Variants in MOB1B observed in about 807,000 individuals in gnomAD.
MOB1B encodes MOB1 Mps One Binder homolog B.
A neutral mutation model predicts 24.4 loss-of-function variants in MOB1B; 19 were observed. That is an observed-to-expected ratio of 0.78 (90% CI 0.54 to 1.14). The LOEUF (loss-of-function observed/expected upper bound fraction) is 1.14, where lower values mean the gene tolerates loss of function less well. MOB1B is among the 50% of genes most tolerant of loss of function. The pLI is 0.00. For synonymous variants in MOB1B, 76 were observed against 82.1 expected (o/e 0.93, Z 0.40); for missense variants, 243 against 259.6 (o/e 0.94, Z 0.44).
intron 1 of MOB1B, among the ~76,000 whole-genome samples, chr4:70,910,303 AGCGCTGGGATTATAGGTGCTAGCCATT>A (rs1236169037): frequency 6.6e-6 from 1 of 152,114 alleles, no homozygotes; most frequent in African/African-American, 2.4e-5. Context: ...GGCCTCCCAA[AGCGCTGGGATTATAGGTGCTAGCCATT>A]GCGCCCAGCT....
chr4:70,953,583 C>G (rs1262546628), intron 1 of MOB1B, among the ~76,000 whole-genome samples: 2 of 152,106 alleles, frequency 1.3e-5, no homozygotes, highest in Non-Finnish European at 2.9e-5. Context: ...TTTCCGGACT[C>G]TCAAAAAACA....
chr4:70,952,590 C>T (rs1357997736), intron 1 of MOB1B, among the ~76,000 whole-genome samples: 1 of 147,996 alleles, frequency 6.8e-6, no homozygotes, highest in African/African-American at 2.5e-5. Context: ...TTGCAGTGAG[C>T]CAAGATTGTG....
intron 1 of MOB1B, among the ~76,000 whole-genome samples, chr4:70,939,093 G>A (rs116339574): frequency 6.6e-6 from 1 of 152,160 alleles, no homozygotes; most frequent in African/African-American, 2.4e-5. Context: ...AAGATTTTAA[G>A]AATATCTACT....
chr4:70,974,988 A>T (rs1421149090), intron 3 of MOB1B, among the ~76,000 whole-genome samples, 165 bp from the exon 4 acceptor site: 1 of 152,236 alleles, frequency 6.6e-6, no homozygotes, highest in Non-Finnish European at 1.5e-5. Flanking sequence ...GGATTGTGAT[A>T]AACGCAAAGT....
At position 70,935,847 on chromosome 4, in the gene MOB1B, A is replaced by ATTTTTTTTTTTTT. The variant is rs11395356; in HGVS notation, c.15-23017_15-23005dup. Among the ~76,000 whole-genome samples, 66 of 100,380 alleles carry ATTTTTTTTTTTTT rather than the reference A, an allele frequency of 6.6e-4. 1 individual carries two copies. Among genetic ancestry groups the ATTTTTTTTTTTTT allele is most frequent in the African/African-American group, 2.0e-3 (48 of 24,454 alleles). The allele number at this position is 100,380 out of a possible 152,430, so 65.9% of individuals were successfully genotyped here. On this transcript the variant is annotated intron_variant, in intron 1 of 5. Coordinates refer to ENST00000309395, the MANE Select transcript of MOB1B (RefSeq NM_173468.4). ...GTGTACCACCATGCCTGGTACACTA[A>ATTTTTTTTTTTTT]TTTTTTTTTTTTTTTTTTTTTTGAG...
At chr4:70,902,333 G>A (rs1381544834), upstream of MOB1B, 7 of 657,402 alleles carry the variant, frequency 1.1e-5, no homozygotes, top group African/African-American at 1.8e-5. Context: ...AGTGATTCAA[G>A]ACGAGCGCTA....
chr4:70,967,817 C>CT (rs1738594309), intron 2 of MOB1B, among the ~76,000 whole-genome samples: 1 of 152,030 alleles, frequency 6.6e-6, no homozygotes, highest in Non-Finnish European at 1.5e-5. Flanking sequence ...ATTTTGTTCT[C>CT]TTTTTTTAAA....
intron 1 of MOB1B, among the ~76,000 whole-genome samples, chr4:70,956,293 A>T (rs1189883579): frequency 3.3e-5 from 5 of 151,966 alleles, no homozygotes; most frequent in African/African-American, 1.2e-4. Flanking sequence ...TTGAAAAAAA[A>T]TTTTAAATAT....
intron 1 of MOB1B, among the ~76,000 whole-genome samples, chr4:70,942,227 TTTTGTG>T (rs1339466744): frequency 6.6e-6 from 1 of 152,116 alleles, no homozygotes; most frequent in Non-Finnish European, 1.5e-5. Context: ...AGTTTATAAC[TTTTGTG>T]TACATATTAC....
intron 1 of MOB1B, among the ~76,000 whole-genome samples, chr4:70,917,004 A>G (rs1259059505): frequency 6.6e-6 from 1 of 152,238 alleles, no homozygotes; most frequent in East Asian, 1.9e-4. Context: ...GTTGTGTAAC[A>G]GTAGCTTTTA....
intron 1 of MOB1B, among the ~76,000 whole-genome samples, 166 bp downstream of exon 1, chr4:70,902,716 A>C (rs1222291541): frequency 6.6e-6 from 1 of 151,564 alleles, no homozygotes; most frequent in Non-Finnish European, 1.5e-5. Flanking sequence ...GAGCGCTCGG[A>C]CTACCTAACC....
At chr4:70,978,835 C>T (rs934622444) in intron 4 of MOB1B, among the ~76,000 whole-genome samples, 3 of 152,140 alleles carry the variant, frequency 2.0e-5, no homozygotes, top group African/African-American at 7.2e-5. Context: ...TTAAGCTCCA[C>T]TACCATCTTG....
At chr4:70,944,174 A>T (rs773203381) in intron 1 of MOB1B, among the ~76,000 whole-genome samples, 1 of 152,122 alleles carries the variant, frequency 6.6e-6, no homozygotes, top group Non-Finnish European at 1.5e-5. Flanking sequence ...AGCTAGGATT[A>T]TAGGCACATG....
At chr4:70,916,585 T>G (rs1736205006) in intron 1 of MOB1B, among the ~76,000 whole-genome samples, 2 of 152,186 alleles carry the variant, frequency 1.3e-5, no homozygotes, top group South Asian at 4.1e-4. Flanking sequence ...TTTTTTTTTT[T>G]GAGACAGAGT....
intron 1 of MOB1B, among the ~76,000 whole-genome samples, chr4:70,956,854 C>T (rs1347680961): frequency 6.6e-6 from 1 of 152,096 alleles, no homozygotes; most frequent in Non-Finnish European, 1.5e-5. Context: ...AATGCTAGTA[C>T]TTTAGAATGA....
At chr4:70,968,334 G>A (rs1738619310) in intron 2 of MOB1B, among the ~76,000 whole-genome samples, 2 of 152,006 alleles carry the variant, frequency 1.3e-5, no homozygotes, top group Non-Finnish European at 2.9e-5. Context: ...TTTTTGAGAC[G>A]GAGTTTTGCT....
upstream of MOB1B, chr4:70,902,297 G>A: frequency 1.7e-6 from 1 of 591,186 alleles, no homozygotes; most frequent in South Asian, 1.9e-5. Flanking sequence ...AGCCTGCCCC[G>A]CCTCCCTTTC....
chr4:70,954,128 T>C (rs1319070146), intron 1 of MOB1B, among the ~76,000 whole-genome samples: 1 of 152,236 alleles, frequency 6.6e-6, no homozygotes, highest in Non-Finnish European at 1.5e-5. Context: ...GTTATTTCTT[T>C]CTGAACTAAT....
chr4:70,971,845 A>G (rs945419568), intron 3 of MOB1B, among the ~76,000 whole-genome samples: 2 of 152,156 alleles, frequency 1.3e-5, no homozygotes, highest in African/African-American at 2.4e-5. Context: ...GTGTGCGTAC[A>G]TAGTGTTAAA....
Sources: allele counts gnomAD v4.1 joint callset (sites outside exome capture counted in the v4.1 genomes callset), GRCh38; gene constraint gnomAD v4.1.1; transcripts MANE v1.5; gene names NCBI Gene and HGNC (gene_info 2026-07-23, HGNC 2026-07-21).